Variants in GPC6 observed in about 807,000 individuals in gnomAD.
GPC6 encodes glypican 6, also known as glypican-6.
A neutral mutation model predicts 55.2 loss-of-function variants in GPC6; 14 were observed. The ratio of observed to expected loss-of-function variants is 0.25; its 90% CI spans 0.17 to 0.40. The LOEUF is 0.40. GPC6 is among the 10% of genes least tolerant of loss of function. The pLI is 1.00. For missense variants in GPC6, 641 were observed against 708.5 expected, an observed-to-expected ratio of 0.90 and a Z score of 1.08; for synonymous variants, 278 against 259.6, an observed-to-expected ratio of 1.07 and a Z score of -0.68.
chr13:93,275,457 A>G (rs546270838), intron 1 of GPC6, among the ~76,000 whole-genome samples: 31 of 152,360 alleles, frequency 2.0e-4, no homozygotes, highest in African/African-American at 7.0e-4. Context: ...AACATAATGT[A>G]AGTGGGAGCA....
At chr13:93,977,673 A>G (rs1193292286) in intron 3 of GPC6, among the ~76,000 whole-genome samples, 1 of 152,122 alleles carries the variant, frequency 6.6e-6, no homozygotes, top group Non-Finnish European at 1.5e-5. Flanking sequence ...ATGGAAGGGA[A>G]ATTCATGGCT....
At chr13:94,134,400 G>T (rs557997910) in intron 4 of GPC6, among the ~76,000 whole-genome samples, 1 of 152,256 alleles carries the variant, frequency 6.6e-6, no homozygotes, top group South Asian at 2.1e-4. Context: ...CCTAGGAAGG[G>T]CCACATTTCC....
At chr13:93,904,082 T>A (rs1390371966) in intron 3 of GPC6, among the ~76,000 whole-genome samples, 1 of 152,052 alleles carries the variant, frequency 6.6e-6, no homozygotes, top group Non-Finnish European at 1.5e-5. Context: ...CAAACAGCTG[T>A]TACAGGATGA....
chr13:93,985,689 C>CAAAAAA (rs34003218), intron 3 of GPC6, among the ~76,000 whole-genome samples: 1 of 69,396 alleles, frequency 1.4e-5, no homozygotes. Context: ...AAGACCTGGC[C>CAAAAAA]AAAAAAAAAA....
intron 1 of GPC6, among the ~76,000 whole-genome samples, chr13:93,478,322 A>T (rs949413910): frequency 2.6e-5 from 4 of 152,190 alleles, no homozygotes; most frequent in African/African-American, 7.2e-5. Context: ...GTGCTTGAGA[A>T]GTACAGGTTG....
intron 1 of GPC6, among the ~76,000 whole-genome samples, chr13:93,294,475 C>T (rs1216778455): frequency 6.6e-6 from 1 of 151,834 alleles, no homozygotes; most frequent in Admixed American, 6.6e-5. Context: ...AAAGACAAAA[C>T]AAATCTCCCT....
intron 1 of GPC6, among the ~76,000 whole-genome samples, chr13:93,339,446 TCTCA>T (rs1880161097): frequency 6.6e-6 from 1 of 151,646 alleles, no homozygotes; most frequent in Non-Finnish European, 1.5e-5. Flanking sequence ...CCCCTGAGTA[TCTCA>T]GAAGCTCCAG....
At chr13:93,817,466 A>G (rs932287796) in intron 2 of GPC6, among the ~76,000 whole-genome samples, 1 of 152,108 alleles carries the variant, frequency 6.6e-6, no homozygotes, top group Non-Finnish European at 1.5e-5. Flanking sequence ...TCCTTTTATT[A>G]GTGTTATTTT....
chr13:94,153,870 T>G (rs1887831495), intron 4 of GPC6, among the ~76,000 whole-genome samples: 1 of 152,158 alleles, frequency 6.6e-6, no homozygotes, highest in African/African-American at 2.4e-5. Context: ...AGCACTAGCG[T>G]GTGTAGGTTC....
intron 1 of GPC6, among the ~76,000 whole-genome samples, chr13:93,235,662 A>C (rs2139008131): frequency 6.6e-6 from 1 of 152,292 alleles, no homozygotes; most frequent in South Asian, 2.1e-4. Flanking sequence ...AAAAATTAAA[A>C]ACTTCACTCT....
intron 8 of GPC6, 61 bp downstream of exon 8, chr13:94,398,702 T>A: frequency 7.3e-7 from 1 of 1,370,818 alleles, no homozygotes. Flanking sequence ...TAGAAGATGA[T>A]GCCCTGACTT....
At chr13:93,464,067 A>C (rs1386151281) in intron 1 of GPC6, among the ~76,000 whole-genome samples, 1 of 152,208 alleles carries the variant, frequency 6.6e-6, no homozygotes, top group Non-Finnish European at 1.5e-5. Context: ...AGTATTCAAT[A>C]GTGTTGTGTC....
chr13:93,530,694 T>C (rs1417206919), intron 1 of GPC6, among the ~76,000 whole-genome samples: 1 of 152,182 alleles, frequency 6.6e-6, no homozygotes, highest in Non-Finnish European at 1.5e-5. Context: ...AAATTTACAA[T>C]TAAATTATGT....
chr13:93,895,274 AT>A (rs1875945417), intron 3 of GPC6, among the ~76,000 whole-genome samples: 1 of 141,328 alleles, frequency 7.1e-6, no homozygotes, highest in Admixed American at 7.2e-5. Context: ...ATATATATAT[AT>A]ATGTAACTGT....
chr13:94,288,112 A>G (rs1286456501), intron 5 of GPC6, among the ~76,000 whole-genome samples: 1 of 152,168 alleles, frequency 6.6e-6, no homozygotes, highest in East Asian at 1.9e-4. Flanking sequence ...AGCCCTCAGT[A>G]AGCTTACTTT....
chr13:94,181,858 G>T (rs1889009372), intron 4 of GPC6, among the ~76,000 whole-genome samples: 1 of 152,190 alleles, frequency 6.6e-6, no homozygotes, highest in Admixed American at 6.5e-5. Context: ...TAAGTGCCTG[G>T]TGCTATACTT....
chr13:93,306,853 G>A (rs1566290468), intron 1 of GPC6, among the ~76,000 whole-genome samples: 1 of 152,014 alleles, frequency 6.6e-6, no homozygotes, highest in Non-Finnish European at 1.5e-5. Flanking sequence ...TTTTGACACA[G>A]AGCATATTTG....
At chr13:93,628,940 A>T (rs1342627047) in intron 2 of GPC6, among the ~76,000 whole-genome samples, 1 of 152,062 alleles carries the variant, frequency 6.6e-6, no homozygotes, top group African/African-American at 2.4e-5. Context: ...AGAAAGACTA[A>T]ATAAGTTAGA....
intron 3 of GPC6, among the ~76,000 whole-genome samples, chr13:94,017,363 C>T (rs1426821350): frequency 6.6e-6 from 1 of 152,096 alleles, no homozygotes; most frequent in Non-Finnish European, 1.5e-5. Context: ...TTAATGGACT[C>T]ACATTGCTGG....
Sources: allele counts gnomAD v4.1 joint callset (sites outside exome capture counted in the v4.1 genomes callset), GRCh38; gene constraint gnomAD v4.1.1; transcripts MANE v1.5; gene names NCBI Gene and HGNC (gene_info 2026-07-23, HGNC 2026-07-21).